The following STAT6 variants were observed in gnomAD, a reference collection of about 807,000 sequenced individuals.
STAT6 encodes STAT, interleukin4-induced.
In STAT6, 45 loss-of-function variants were observed where a neutral mutation model predicts 106.3. The ratio of observed to expected loss-of-function variants is 0.42; its 90% CI spans 0.33 to 0.54. STAT6 has a LOEUF of 0.54. STAT6 is among the 20% of genes least tolerant of loss of function. STAT6 has a pLI of 0.06. For synonymous variants in STAT6, 413 were observed against 413.6 expected, an observed-to-expected ratio of 1.00 and a Z score of 0.02; for missense variants, 797 against 1,062.2, an observed-to-expected ratio of 0.75 and a Z score of 3.47.
intron 13 of STAT6, chr12:57,100,919 A>G (rs2033886993): frequency 4.4e-6 from 2 of 454,006 alleles, no homozygotes; most frequent in African/African-American, 2.0e-5. Flanking sequence ...GGGGATAATA[A>G]TAGTATCTAC....
At chr12:57,097,317 G>T (rs1181439195) in intron 19 of STAT6, 184 bp from the exon 20 acceptor site, 2 of 437,302 alleles carry the variant, frequency 4.6e-6, no homozygotes, top group Non-Finnish European at 7.9e-6. Flanking sequence ...GTGTTATGGG[G>T]GTGGATTAGC....
intron 13 of STAT6, chr12:57,100,860 T>C (rs1326198157): frequency 4.4e-6 from 2 of 455,846 alleles, no homozygotes; most frequent in Non-Finnish European, 8.8e-6. Flanking sequence ...TTTGGGAACT[T>C]GAACAAACTA....
chr12:57,110,220 C>T (rs2034501085), intron 1 of STAT6: 1 of 152,404 alleles, frequency 6.6e-6, no homozygotes, highest in Admixed American at 6.5e-5. Flanking sequence ...ATATCCAACC[C>T]CTCTTCTTCC....
rs376611647 is a variant in STAT6, at chr12:57,106,186, C to A, written c.680+5G>T. The A allele has an allele frequency of 1.7e-5, 28 of 1,613,810 alleles. No individual in the cohort carries two copies. In the Admixed American group the frequency reaches 3.7e-4, roughly 21 times the overall value. The stretch of plus-strand genomic sequence containing the variant: ...CCCCCTCTTCCCCATCAGCCCTAGC[C>A]CAACCTCTCCTGGAGTGGGGCCAGG... On this transcript the variant is annotated splice_donor_5th_base_variant and intron_variant, in intron 7 of 21. Transcript: ENST00000300134.
At position 57,099,198 on chromosome 12, in the gene STAT6, A is replaced by T. The variant is rs958051689; in HGVS notation, c.1891+96T>A. ...AAGCACAGCTATGAAATAGGGAGTG[A>T]CATCAGGATGACACGCGGGCAGGGA... On this transcript the variant is annotated intron_variant, in intron 16 of 21. Transcript: ENST00000300134. The surrounding 1 kb of genome is among the most constrained non-coding windows in gnomAD (Gnocchi z 4.7). 11 of 1,588,684 alleles carry T rather than the reference A, an allele frequency of 6.9e-6. No homozygotes were observed. The Admixed American group carries it at 8.3e-5, about 12-fold the overall frequency.
At position 57,106,703 on chromosome 12, in the gene STAT6, C is replaced by G; in HGVS notation, c.468G>C (p.Glu156Asp). The G allele has an allele frequency of 4.3e-6, 7 of 1,614,210 alleles. No homozygotes were observed. The highest frequency in any genetic ancestry group is 5.9e-6 in the Non-Finnish European group (7 of 1,180,038). Residue 156 changes from glutamate to aspartate, a missense_variant, in exon 5 of 22, where the codon GAG becomes GAC. Physicochemically the swap from Glu to Asp is conservative, Grantham distance 45 (BLOSUM62 2). Coordinates refer to ENST00000300134, the MANE Select transcript of STAT6 (RefSeq NM_003153.5). ...CACCCTGGCCCCCACCTTGGCCAGC[C>G]TCAGCCCCCTTCTGCAGGGCTTCTC... Reference protein sequence around the residue: ...LLREALQKGAEAGQVSLHSLI... With the variant: ...LLREALQKGADAGQVSLHSLI...
intron 13 of STAT6, 30 bp from the exon 14 acceptor site, chr12:57,100,120 G>A (rs3024970): frequency 9.6e-6 from 15 of 1,558,300 alleles, no homozygotes; most frequent in Admixed American, 1.9e-5. Flanking sequence ...GGTGTGAGCC[G>A]AGGGAGGGCC....
chr12:57,096,575 C>T lies in STAT6; in HGVS notation c.2541G>A (p.Trp847Ter), dbSNP rs1261258198. Residue 847 changes from tryptophan to a stop codon, truncating the protein, a stop_gained, in exon 22 of 22, where the codon TGG becomes TGA. Transcript: ENST00000300134. LOFTEE classifies it high-confidence loss of function. ...TGGGTTCTCCCTCCAGCTGGGATCACCAACTGGGGTTGGCCCTTAGGTCCA... is the reference window on the plus strand; with the variant it reads ...TGGGTTCTCCCTCCAGCTGGGATCATCAACTGGGGTTGGCCCTTAGGTCCA... ...SHMDLRANPS[W>*] The T allele has an allele frequency of 6.3e-7, 1 of 1,587,156 alleles. No homozygotes were observed.
chr12:57,098,865 T>C lies in STAT6; in HGVS notation c.1993A>G (p.Thr665Ala). 1 of 1,613,492 alleles carries C rather than the reference T, an allele frequency of 6.2e-7. No homozygotes were observed. The highest frequency in any genetic ancestry group is 8.5e-7 in the Non-Finnish European group (1 of 1,179,808). The change falls in exon 18 of 22, where the codon ACC becomes GCC. Residue 665 changes from threonine to alanine, a missense_variant. By Grantham distance (58) the Thr-to-Ala change is moderately conservative. This residue lies in a region of STAT6 where 226 missense variants were observed against 236.7 expected (regional missense o/e 0.95). Transcript: ENST00000300134. ...CCAAGGTCATAAGAAGGCACCATGG[T>C]AGGCATCTGGAGCTCTGGGGTAGGA... ...PLPTPELQMP[T>A]MVPSYDLGMA... is the part of the protein sequence containing the mutation.
intron 1 of STAT6, among the ~76,000 whole-genome samples, chr12:57,108,989 G>A (rs2136621085): frequency 6.6e-6 from 1 of 152,258 alleles, no homozygotes; most frequent in South Asian, 2.1e-4. Flanking sequence ...ACGAGGTCAG[G>A]AGATCAAGAC....
In STAT6 at chr12:57,107,505, A is replaced by G. The variant is rs193050470; in HGVS notation, c.255+100T>C. ...CTAGCAGTTAACCACAGGAACACCA[A>G]TTTGCTTCCAGCATCCAACCAATTT... On this transcript the variant is annotated intron_variant, in intron 3 of 21. Coordinates refer to ENST00000300134, the MANE Select transcript of STAT6 (RefSeq NM_003153.5). The G allele has an allele frequency of 8.8e-6, 13 of 1,477,040 alleles. No individual in the cohort carries two copies. In the Admixed American group the frequency reaches 2.6e-4, roughly 29 times the overall value. The allele number at this position is 1,477,040 out of a possible 1,614,324, so 91.5% of individuals were successfully genotyped here. A position where few individuals can be genotyped will look rare whatever the true frequency, so the allele number is the denominator to read the frequency against.
intron 1 of STAT6, among the ~76,000 whole-genome samples, chr12:57,108,925 G>A (rs989028363): frequency 6.6e-6 from 1 of 152,112 alleles, no homozygotes; most frequent in Non-Finnish European, 1.5e-5. Context: ...TCGGCCAGGC[G>A]CAGTGGCTCA....
chr12:57,099,834 A>G lies in STAT6; in HGVS notation c.1677T>C (p.Phe559=), dbSNP rs2033701825. 6.2e-7 allele frequency: 1 copy of G among 1,614,200 alleles called. No homozygotes were observed. The highest frequency in any genetic ancestry group is 8.5e-7 in the Non-Finnish European group (1 of 1,180,038). The change falls in exon 15 of 22, where the codon TTT becomes TTC. Residue 559 remains phenylalanine (F), a synonymous_variant. Transcript: ENST00000300134. This position sits in a 1 kb window ranked among gnomAD's most constrained non-coding sequence, Gnocchi z 4.7. ...SLLLNEPDGT[F]LLRFSDSEIG... ...TCTCTGAGTCGCTGAAGCGGAGGAG[A>G]AAGGTTCCGTCGGGCTCATTGAGAA...
rs758544878 is a variant in STAT6, at chr12:57,104,741, G to A, written c.1074C>T (p.Ala358=). The stretch of plus-strand genomic sequence containing the variant: ...AGCCCCTCACCAGGTTCTTGAACAG[G>A]GCAGAGCAGCAGTTCCCAGGAATGC... ...ENSIPGNCCS[A]LFKNLLLKKI... The change falls in exon 10 of 22, where the codon GCC becomes GCT. Residue 358 remains alanine (A), a synonymous_variant. Transcript: ENST00000300134. 3 of 1,614,098 alleles carry A rather than the reference G, an allele frequency of 1.9e-6. No individual in the cohort carries two copies. The Admixed American group carries it at 5.0e-5, about 27-fold the overall frequency.
At chr12:57,100,694 AAG>A (rs1228082144) in intron 13 of STAT6, among the ~76,000 whole-genome samples, 1 of 28,944 alleles carries the variant, frequency 3.5e-5, no homozygotes, top group Non-Finnish European at 7.9e-5. Context: ...GAAAGAAAGA[AAG>A]AAAGAGAAAG....
intron 2 of STAT6, 24 bp downstream of exon 2, chr12:57,108,139 C>T (rs750368097): frequency 2.1e-6 from 3 of 1,449,250 alleles, no homozygotes; most frequent in Non-Finnish European, 1.9e-6. Context: ...CTTGGGGGAC[C>T]AGCAGGGAGC....
In STAT6 at chr12:57,099,011, T is replaced by A. The variant is rs771204658; in HGVS notation, c.1955+4A>T. ...CTACCCACTGTCCATACCACCACAC[T>A]CACCTTTCCACGGTCATCTTGATGG... On this transcript the variant is annotated splice_donor_region_variant and intron_variant, in intron 17 of 21. Transcript: ENST00000300134. This position sits in a 1 kb window ranked among gnomAD's most constrained non-coding sequence, Gnocchi z 4.7. 2.5e-6 allele frequency: 4 copies of A among 1,614,040 alleles called. No homozygotes were observed. The highest frequency in any genetic ancestry group is 3.4e-6 in the Non-Finnish European group (4 of 1,180,012).
In STAT6 at chr12:57,099,590, G is replaced by T. The variant is rs746561163; in HGVS notation, c.1745-150C>A. 7.3e-7 allele frequency: 1 copy of T among 1,377,882 alleles called. No individual in the cohort carries two copies. The highest frequency in any genetic ancestry group is 9.9e-7 in the Non-Finnish European group (1 of 1,007,566). The allele number at this position is 1,377,882 out of a possible 1,614,324, so 85.4% of individuals were successfully genotyped here. ...GAGGGAGAGAGACCCACTAGTCTCC[G>T]TTCCCACAGAGCTCACAGTGAGAAG... is the stretch of plus-strand genomic sequence containing the variant. On this transcript the variant is annotated intron_variant, in intron 15 of 21. Coordinates refer to ENST00000300134, the MANE Select transcript of STAT6 (RefSeq NM_003153.5). The surrounding 1 kb of genome is among the most constrained non-coding windows in gnomAD (Gnocchi z 4.7).
intron 8 of STAT6, 40 bp downstream of exon 8, chr12:57,105,428 A>G: frequency 6.2e-7 from 1 of 1,610,502 alleles, no homozygotes; most frequent in Non-Finnish European, 8.5e-7. Flanking sequence ...TTTCTTCCCG[A>G]GGTCTGTTCT....
Sources: gnomAD v4.1 joint callset for allele counts (sites outside exome capture counted in the v4.1 genomes callset) on GRCh38, gnomAD v4.1.1 for gene constraint, gnomAD v4.1.1 regional missense constraint, Gnocchi (gnomAD v3.1) non-coding constraint, MANE v1.5 for transcripts, NCBI Gene and HGNC (gene_info 2026-07-23, HGNC 2026-07-21) for gene names.